The following MORC4 variants were observed in gnomAD, a reference collection of about 807,000 sequenced individuals.
MORC4 encodes the protein MORC family CW-type zinc finger protein 4.
MORC4 carries 22 observed loss-of-function variants against 65.5 expected under a neutral mutation model. The ratio of observed to expected loss-of-function variants is 0.34; its 90% CI spans 0.24 to 0.48. The LOEUF (loss-of-function observed/expected upper bound fraction) is 0.48. Among genes scored for constraint, MORC4 ranks in the 20% least tolerant of loss-of-function variants. The pLI is 0.99. For missense variants in MORC4, 624 were observed against 703.0 expected (o/e 0.89, Z 1.27); for synonymous variants, 267 against 255.8 (o/e 1.04, Z -0.42).
rs778517827 is a variant in MORC4 at position 106,942,946 on chromosome X, C to T, written c.1945G>A (p.Ala649Thr). The T allele has an allele frequency of 1.7e-6, 2 of 1,211,549 alleles. No homozygotes were observed. Among genetic ancestry groups the T allele is most frequent in the Non-Finnish European group, 2.2e-6 (2 of 895,356 alleles). Residue 649 changes from alanine to threonine, a missense_variant, in exon 15 of 17, where the codon GCC becomes ACC. Coordinates refer to ENST00000355610, the MANE Select transcript of MORC4 (RefSeq NM_024657.5). ...NREVSILYPG[A>T]KDQRQGSLLP... ...AGGGACCCCTGGCGTTGGTCTTTGG[C>T]CCCTGGATACAGAATTGAAACCTCC...
intron 14 of MORC4, among the ~76,000 whole-genome samples, chrX:106,954,624 T>C (rs919956814): frequency 1.8e-5 from 2 of 112,286 alleles, no homozygotes; most frequent in African/African-American, 6.5e-5. Flanking sequence ...TCAAATTTTG[T>C]CTATTATTTC....
chrX:106,988,713 G>A lies in MORC4; in HGVS notation c.309-2513C>T, dbSNP rs191127566. Among the ~76,000 whole-genome samples the A allele has an allele frequency of 1.3e-4, 15 of 111,982 alleles. No individual in the cohort carries two copies. The East Asian group carries it at 3.3e-3, about 25-fold the overall frequency. The stretch of plus-strand genomic sequence containing the variant: ...AATAATTTTCCACAGAGATAACTTG[G>A]TTTAGGTGGTTTCTATTTGCTAAGT... On this transcript the variant is annotated intron_variant, in intron 3 of 16. Coordinates refer to ENST00000355610, the MANE Select transcript of MORC4 (RefSeq NM_024657.5).
intron 9 of MORC4, among the ~76,000 whole-genome samples, chrX:106,971,817 A>T (rs903096556): frequency 7.1e-5 from 8 of 112,287 alleles, no homozygotes; most frequent in Non-Finnish European, 1.3e-4. Context: ...GTCAGGAAAC[A>T]ACAGATGCTG....
At chrX:106,970,968 T>C (rs1330068086) in intron 9 of MORC4, among the ~76,000 whole-genome samples, 1 of 111,571 alleles carries the variant, frequency 9.0e-6, no homozygotes, top group East Asian at 2.8e-4. Context: ...AAACCTACTT[T>C]AAACTTCATA....
Position 106,976,633 on chromosome X carries a change from G to A in MORC4, c.1108C>T (p.Leu370=), listed in dbSNP as rs1186196666. ...TCTTGTTTGTTGTAGGCAGGTTTTA[G>A]GAAATTGCACTCAATGACTCCAATT... ...GVIGVIECNF[L]KPAYNKQDFE... The change falls in exon 9 of 17, where the codon CTA becomes TTA. Residue 370 remains leucine (L), a synonymous_variant. Coordinates refer to ENST00000355610, the MANE Select transcript of MORC4 (RefSeq NM_024657.5). 8.3e-7 allele frequency: 1 copy of A among 1,208,862 alleles called. No individual in the cohort carries two copies. The highest frequency in any genetic ancestry group is 3.0e-5 in the East Asian group (1 of 33,802).
intron 3 of MORC4, among the ~76,000 whole-genome samples, chrX:106,988,325 A>G (rs374572838): frequency 9.8e-5 from 11 of 111,940 alleles, no homozygotes; most frequent in African/African-American, 3.6e-4. Flanking sequence ...TCCACCATCT[A>G]TCACCTCTTT....
intron 14 of MORC4, among the ~76,000 whole-genome samples, chrX:106,944,941 ATTGCT>A (rs1482756872): frequency 9.0e-6 from 1 of 111,389 alleles, no homozygotes; most frequent in Non-Finnish European, 1.9e-5. Flanking sequence ...TTCCTAAAGC[ATTGCT>A]TTGATTATGC....
In MORC4 at chrX:106,942,665, A is replaced by G; in HGVS notation, c.2226T>C (p.Ala742=). ...CTCTTGCTTTCTCCCCAATGGCTGC[A>G]GCAGGGATTGCAGCAGAGGCCACAG... ...PYSVASAAIP[A]AAIGEKARGY... Residue 742 remains alanine, a synonymous_variant, in exon 15 of 17, where the codon GCT becomes GCC. Coordinates refer to ENST00000355610, the MANE Select transcript of MORC4 (RefSeq NM_024657.5). The G allele has an allele frequency of 8.3e-7, 1 of 1,211,636 alleles. No individual in the cohort carries two copies. The highest frequency in any genetic ancestry group is 3.0e-5 in the East Asian group (1 of 33,853).
chrX:106,966,089 C>T (rs1342121609), intron 9 of MORC4, among the ~76,000 whole-genome samples: 2 of 111,717 alleles, frequency 1.8e-5, no homozygotes, highest in Non-Finnish European at 3.8e-5. Flanking sequence ...GACAAATTGA[C>T]GAATGAACTG....
chrX:106,946,270 G>A (rs1335018467), intron 14 of MORC4, among the ~76,000 whole-genome samples: 1 of 112,198 alleles, frequency 8.9e-6, no homozygotes, highest in Non-Finnish European at 1.9e-5. Flanking sequence ...CCCCCACTGG[G>A]ACACTACTCT....
intron 9 of MORC4, among the ~76,000 whole-genome samples, chrX:106,971,237 T>C (rs1456114106): frequency 1.8e-5 from 2 of 112,141 alleles, no homozygotes; most frequent in African/African-American, 3.2e-5. Flanking sequence ...ATTTAATAAA[T>C]GGTGTTAGGA....
chrX:106,958,995 G>C (rs964017334), intron 10 of MORC4, among the ~76,000 whole-genome samples: 8 of 111,471 alleles, frequency 7.2e-5, no homozygotes, highest in African/African-American at 2.6e-4. Context: ...TTTCCCTACA[G>C]AGACTCCTTA....
At chrX:106,941,788 A>G in intron 16 of MORC4, 150 bp downstream of exon 16, 1 of 800,933 alleles carries the variant, frequency 1.2e-6, no homozygotes, top group Non-Finnish European at 1.8e-6. Flanking sequence ...GCACAGGGAG[A>G]CTGGCTGCAG....
chrX:106,982,733 G>A (rs1052220150), intron 5 of MORC4, among the ~76,000 whole-genome samples: 7 of 111,836 alleles, frequency 6.3e-5, no homozygotes, highest in Non-Finnish European at 3.8e-5. Flanking sequence ...CCAAAGGGCT[G>A]GGATTAGAGG....
intron 4 of MORC4, among the ~76,000 whole-genome samples, chrX:106,985,722 G>C (rs1230110157): frequency 9.0e-6 from 1 of 110,511 alleles, no homozygotes; most frequent in Non-Finnish European, 1.9e-5. Context: ...ACCATGGGGT[G>C]GTGGTAGAGC....
chrX:106,991,979 T>A (rs1228145832), intron 3 of MORC4, among the ~76,000 whole-genome samples: 1 of 111,589 alleles, frequency 9.0e-6, no homozygotes, highest in Non-Finnish European at 1.9e-5. Flanking sequence ...TATAAATGCT[T>A]TGGTTCCATC....
chrX:106,982,784 T>C (rs758462979), intron 5 of MORC4, among the ~76,000 whole-genome samples: 1 of 111,671 alleles, frequency 9.0e-6, no homozygotes, highest in South Asian at 3.8e-4. Flanking sequence ...TTTTTAAAAA[T>C]TGATTGGGAA....
At chrX:106,981,571 G>A in intron 5 of MORC4, 94 bp from the exon 6 acceptor site, 1 of 786,735 alleles carries the variant, frequency 1.3e-6, no homozygotes, top group Non-Finnish European at 1.8e-6. Flanking sequence ...AACAATATGA[G>A]CCAAAACTCA....
chrX:106,960,769 A>T (rs1264115378), intron 10 of MORC4, among the ~76,000 whole-genome samples: 1 of 112,343 alleles, frequency 8.9e-6, no homozygotes, highest in Non-Finnish European at 1.9e-5. Flanking sequence ...ATCTCATCTT[A>T]GTTTGTACTT....
Sources: gnomAD v4.1 joint callset for allele counts (sites outside exome capture counted in the v4.1 genomes callset) on GRCh38, gnomAD v4.1.1 for gene constraint, MANE v1.5 for transcripts, NCBI Gene and HGNC (gene_info 2026-07-23, HGNC 2026-07-21) for gene names.